The following ROBO2 variants were observed in gnomAD, a reference collection of about 807,000 sequenced individuals.
The protein encoded by ROBO2 is roundabout guidance receptor 2.
In ROBO2, 53 loss-of-function variants were observed where a neutral mutation model predicts 160.8. That is an observed-to-expected ratio of 0.33 (90% CI 0.26 to 0.41). The LOEUF (loss-of-function observed/expected upper bound fraction) is 0.41. ROBO2 is among the 10% of genes least tolerant of loss of function. The pLI, the probability that ROBO2 is intolerant of heterozygous loss-of-function variation, is 1.00. For missense variants in ROBO2, 1,577 were observed against 1,722.4 expected (o/e 0.92, Z 1.49); for synonymous variants, 664 against 611.7 (o/e 1.09, Z -1.26).
intron 2 of ROBO2, among the ~76,000 whole-genome samples, chr3:76,278,622 A>G (rs909103057): frequency 6.6e-6 from 1 of 151,960 alleles, no homozygotes; most frequent in Non-Finnish European, 1.5e-5. Flanking sequence ...TTTAAAAGAT[A>G]TTTCCCCAAG....
chr3:76,467,718 G>T (rs1255361969), intron 2 of ROBO2, among the ~76,000 whole-genome samples: 1 of 149,986 alleles, frequency 6.7e-6, no homozygotes, highest in Non-Finnish European at 1.5e-5. Flanking sequence ...GGTAAGAAAA[G>T]CAGAACAACC....
intron 2 of ROBO2, among the ~76,000 whole-genome samples, chr3:76,232,330 T>C (rs1163030580): frequency 6.6e-6 from 1 of 152,230 alleles, no homozygotes; most frequent in East Asian, 1.9e-4. Context: ...CTTGGCCTAT[T>C]GGTTCAGAGT....
intron 2 of ROBO2, among the ~76,000 whole-genome samples, chr3:76,217,268 G>A (rs1441235548): frequency 1.3e-5 from 2 of 152,018 alleles, no homozygotes; most frequent in Admixed American, 1.3e-4. Flanking sequence ...AAAAGCAAGA[G>A]CAAACATATT....
At chr3:77,339,815 A>G (rs895654684) in intron 2 of ROBO2, among the ~76,000 whole-genome samples, 2 of 151,988 alleles carry the variant, frequency 1.3e-5, no homozygotes. Flanking sequence ...ATTTCATAGG[A>G]TTTTTTTCCC....
intron 2 of ROBO2, among the ~76,000 whole-genome samples, chr3:77,428,339 ATTTTT>A (rs59725522): frequency 4.7e-5 from 5 of 105,568 alleles, no homozygotes; most frequent in Non-Finnish European, 8.9e-5. Context: ...CTTAGGTAAT[ATTTTT>A]TTTTTTTTTT....
intron 2 of ROBO2, among the ~76,000 whole-genome samples, chr3:76,580,355 TTTTTTTTTTTGG>T (rs2085619203): frequency 1.5e-4 from 18 of 122,218 alleles, no homozygotes; most frequent in South Asian, 1.4e-3. Context: ...TTTTTTTTTG[TTTTTTTTTTTGG>T]TTTTTTTCTC....
intron 2 of ROBO2, among the ~76,000 whole-genome samples, chr3:77,184,714 T>C (rs1354162856): frequency 6.6e-6 from 1 of 152,066 alleles, no homozygotes; most frequent in East Asian, 1.9e-4. Context: ...TGCTTAACAT[T>C]AGTTAATCCT....
rs531840395 is a variant in ROBO2, at chr3:77,366,785, C to T, written c.389-110629C>T. Among the ~76,000 whole-genome samples the T allele has an allele frequency of 2.0e-5, 3 of 151,732 alleles. No individual in the cohort carries two copies. In the South Asian group the frequency reaches 6.2e-4, roughly 32 times the overall value. ...AGTGAGAGTGAGAGAGAGAAAGAGA[C>T]AGAGAGAGAGATACAGAGAGATACA... On this transcript the variant is annotated intron_variant, in intron 2 of 25. Coordinates refer to ENST00000461745, the Ensembl canonical transcript of ROBO2.
At chr3:76,252,776 C>T (rs1354522550) in intron 2 of ROBO2, among the ~76,000 whole-genome samples, 2 of 151,222 alleles carry the variant, frequency 1.3e-5, no homozygotes, top group African/African-American at 4.9e-5. Context: ...CACACACACA[C>T]ACACACACAC....
chr3:77,373,561 A>G (rs188045346), intron 2 of ROBO2, among the ~76,000 whole-genome samples: 2 of 152,250 alleles, frequency 1.3e-5, no homozygotes, highest in East Asian at 3.9e-4. Context: ...TCTCAAAAAT[A>G]ATAGTGTTAA....
At chr3:76,073,440 C>T (rs1420448406) in intron 2 of ROBO2, among the ~76,000 whole-genome samples, 2 of 150,564 alleles carry the variant, frequency 1.3e-5, no homozygotes, top group Non-Finnish European at 3.0e-5. Flanking sequence ...CTACAGGCGC[C>T]GCCCCCACGC....
At chr3:76,986,376 C>T (rs2060380797) in intron 2 of ROBO2, among the ~76,000 whole-genome samples, 1 of 152,024 alleles carries the variant, frequency 6.6e-6, no homozygotes, top group African/African-American at 2.4e-5. Flanking sequence ...GGTTCTAGAA[C>T]ATAGCTTTGT....
At chr3:77,223,944 T>C (rs2086156727) in intron 2 of ROBO2, among the ~76,000 whole-genome samples, 1 of 152,080 alleles carries the variant, frequency 6.6e-6, no homozygotes, top group African/African-American at 2.4e-5. Flanking sequence ...TTTGTGTGTG[T>C]CATCCTCAAT....
intron 2 of ROBO2, among the ~76,000 whole-genome samples, chr3:77,405,253 G>A (rs1158025118): frequency 6.6e-6 from 1 of 152,076 alleles, no homozygotes; most frequent in Non-Finnish European, 1.5e-5. Flanking sequence ...ATGTTGCACT[G>A]ATATTTACTT....
intron 2 of ROBO2, among the ~76,000 whole-genome samples, chr3:76,247,567 T>C (rs753085261): frequency 6.6e-6 from 1 of 152,128 alleles, no homozygotes; most frequent in Non-Finnish European, 1.5e-5. Flanking sequence ...TCTTAAATAA[T>C]AAGCAGGATT....
intron 2 of ROBO2, among the ~76,000 whole-genome samples, chr3:77,235,294 T>C (rs1043403877): frequency 2.0e-5 from 3 of 152,114 alleles, no homozygotes; most frequent in African/African-American, 7.2e-5. Flanking sequence ...AATTGCTGCC[T>C]GACCTGCAAG....
chr3:75,973,089 G>T (rs1251653836), intron 2 of ROBO2, among the ~76,000 whole-genome samples: 1 of 151,528 alleles, frequency 6.6e-6, no homozygotes. Context: ...AGAGTCAAAG[G>T]ACCAGGCAAT....
chr3:76,399,954 C>A (rs1321518659), intron 2 of ROBO2, among the ~76,000 whole-genome samples: 2 of 151,640 alleles, frequency 1.3e-5, no homozygotes, highest in Non-Finnish European at 3.0e-5. Context: ...TTAAAATTGG[C>A]TTTACTCCAT....
chr3:77,428,574 T>A (rs1440209718), intron 2 of ROBO2, among the ~76,000 whole-genome samples: 1 of 151,530 alleles, frequency 6.6e-6, no homozygotes, highest in East Asian at 1.9e-4. Context: ...GCCAGGATGG[T>A]CTCGATCTCC....
Sources: gnomAD v4.1 joint callset for allele counts (sites outside exome capture counted in the v4.1 genomes callset) on GRCh38, gnomAD v4.1.1 for gene constraint, MANE v1.5 for transcripts, NCBI Gene and HGNC (gene_info 2026-07-23, HGNC 2026-07-21) for gene names.